The following ZKSCAN2 variants were observed in gnomAD, a reference collection of about 807,000 sequenced individuals.
ZKSCAN2 encodes zinc finger with KRAB and SCAN domains 2, also known as zinc finger protein with KRAB and SCAN domains 2.
ZKSCAN2 carries 38 observed loss-of-function variants against 90.5 expected under a neutral mutation model. The ratio of observed to expected loss-of-function variants is 0.42; its 90% confidence interval spans 0.32 to 0.55. ZKSCAN2 has a LOEUF of 0.55. ZKSCAN2 is among the 20% of genes least tolerant of loss of function. ZKSCAN2 has a pLI of 0.11. For missense variants in ZKSCAN2, 1,167 were observed against 1,202.6 expected (o/e 0.97, Z 0.44); for synonymous variants, 429 against 421.6 (o/e 1.02, Z -0.22).
At chr16:25,256,257 A>G (rs1165225515) in intron 1 of ZKSCAN2, among the ~76,000 whole-genome samples, 1 of 152,212 alleles carries the variant, frequency 6.6e-6, no homozygotes, top group African/African-American at 2.4e-5. Flanking sequence ...GAGTGACAGA[A>G]ATGAAGGCAT....
rs1962840332 is a variant in ZKSCAN2, at chr16:25,240,725, TC to T, written c.1994del (p.Gly665GlufsTer11). The T allele has an allele frequency of 6.2e-7, 1 of 1,600,812 alleles. No homozygotes were observed. The highest frequency in any genetic ancestry group is 8.5e-7 in the Non-Finnish European group (1 of 1,171,542). ...GTGTTGGATCCTCCTTGATGCTACT[TC>T]CGATTTCAAAATCTGAAAAAATGAA... The part of the protein sequence containing the change: ...LLQSPNDFEI[G>X]SSIKEDPTQI... On this transcript the variant is annotated frameshift_variant, in exon 7 of 7. Transcript: ENST00000328086. LOFTEE classifies it high-confidence loss of function.
chr16:25,244,369 A>G, intron 5 of ZKSCAN2, 93 bp from the exon 6 acceptor site: 1 of 1,420,966 alleles, frequency 7.0e-7, no homozygotes, highest in Non-Finnish European at 9.5e-7. Flanking sequence ...GGTAAAAAAA[A>G]ATCCCATTCA....
In ZKSCAN2 at chr16:25,240,013, G is replaced by A. The variant is rs932733214; in HGVS notation, c.2707C>T (p.Arg903Ter). The change falls in exon 7 of 7, where the codon CGA becomes TGA. Residue 903 changes from arginine (R) to a stop codon, truncating the protein, a stop_gained. Coordinates refer to ENST00000328086, the MANE Select transcript of ZKSCAN2 (RefSeq NM_001012981.5). LOFTEE classifies it low-confidence loss of function (END_TRUNC). ...EKSFNNCTRFREHRRIHTGEK... is the reference protein window; with the variant it reads ...EKSFNNCTRF ...CCAGTGTGTATTCTCCGATGTTCTC[G>A]AAATCTCGTACAGTTATTGAAACTT... is the stretch of plus-strand genomic sequence containing the variant. 23 of 1,613,714 alleles carry A rather than the reference G, an allele frequency of 1.4e-5. No individual in the cohort carries two copies. The highest frequency in any genetic ancestry group is 3.3e-5 in the South Asian group (3 of 91,062).
Position 25,239,709 on chromosome 16 carries a change from C to A in ZKSCAN2, c.*107G>T. On this transcript the variant is annotated 3_prime_UTR_variant, in exon 7 of 7. Transcript: ENST00000328086. ...TGAAAGTGTTTAGTTTATTTATATT[C>A]TCAAGTTTATCTTGGAAATTACACT... The A allele has an allele frequency of 9.9e-7, 1 of 1,006,196 alleles. No individual in the cohort carries two copies. Among genetic ancestry groups the A allele is most frequent in the Non-Finnish European group, 1.5e-6 (1 of 685,138 alleles). The allele number at this position is 1,006,196 out of a possible 1,614,324, so 62.3% of individuals were successfully genotyped here. A position where few individuals can be genotyped will look rare whatever the true frequency, so the allele number is the denominator to read the frequency against.
chr16:25,242,592 C>T (rs186342763), intron 6 of ZKSCAN2, among the ~76,000 whole-genome samples: 2 of 152,118 alleles, frequency 1.3e-5, no homozygotes, highest in African/African-American at 4.8e-5. Flanking sequence ...AGAATTTGGA[C>T]ATGGAGATAT....
intron 4 of ZKSCAN2, among the ~76,000 whole-genome samples, chr16:25,249,681 T>C (rs1039715858): frequency 1.3e-5 from 2 of 152,152 alleles, no homozygotes; most frequent in Non-Finnish European, 2.9e-5. Context: ...AATTATTATC[T>C]GTCAATTAAA....
intron 4 of ZKSCAN2, among the ~76,000 whole-genome samples, chr16:25,250,134 C>T (rs562315399): frequency 6.6e-6 from 1 of 152,232 alleles, no homozygotes; most frequent in Admixed American, 6.5e-5. Context: ...TATGGTGAAA[C>T]CCCGTCTCTA....
In ZKSCAN2 at chr16:25,257,511, G is replaced by C. The variant is rs1273898713; in HGVS notation, c.-384C>G. On this transcript the variant is annotated 5_prime_UTR_variant, in exon 1 of 7. Coordinates refer to ENST00000328086, the MANE Select transcript of ZKSCAN2 (RefSeq NM_001012981.5). ...GGGAGGGGGTGTGTCCGCTACTCCC[G>C]GGTCGGGCGCGGAGAGGCGAGTCCC... 7 of 993,900 alleles carry C rather than the reference G, an allele frequency of 7.0e-6. No individual in the cohort carries two copies. The highest frequency in any genetic ancestry group is 3.5e-5 in the African/African-American group (2 of 57,568). 61.6% of individuals were successfully genotyped at this position (993,900 alleles called of 1,614,324 possible).
rs113521807 is a variant in ZKSCAN2, at chr16:25,240,710, C to T, written c.2010G>A (p.Glu670=). ...CCTTATATACTATCTGTGTTGGATC[C>T]TCCTTGATGCTACTTCCGATTTCAA... ...NDFEIGSSIK[E]DPTQIVYKDM... Residue 670 remains glutamate, a synonymous_variant, in exon 7 of 7, where the codon GAG becomes GAA. Coordinates refer to ENST00000328086, the MANE Select transcript of ZKSCAN2 (RefSeq NM_001012981.5). 6.1e-4 allele frequency: 985 copies of T among 1,604,304 alleles called. 6 individuals are homozygous for T. In the African/African-American group the frequency reaches 9.9e-3, roughly 16 times the overall value.
rs542953652 is a variant in ZKSCAN2, at chr16:25,240,660, A to G, written c.2060T>C (p.Ile687Thr). ...YKDMEQHRAL[I>T]EKSKRVVSQS... ...GGAAACAACTCTTTTAGACTTTTCT[A>G]TTAATGCCCTATGCTGTTCCATGTC... Residue 687 changes from isoleucine to threonine, a missense_variant, in exon 7 of 7, where the codon ATA (isoleucine) becomes ACA (threonine). Transcript: ENST00000328086. 1.2e-5 allele frequency: 20 copies of G among 1,614,190 alleles called. No individual in the cohort carries two copies. In the African/African-American group the frequency reaches 2.5e-4, roughly 20 times the overall value.
At position 25,243,397 on chromosome 16, in the gene ZKSCAN2, G is replaced by A. The variant is rs1359872041; in HGVS notation, c.1981+388C>T. ...GGCTGGAGTGCAATGGCACGATCTC[G>A]GCTCACTGCAACCTGCGCCTCCCAG... On this transcript the variant is annotated intron_variant, in intron 6 of 6. Transcript: ENST00000328086. Among the ~76,000 whole-genome samples, 6 of 152,218 alleles carry A rather than the reference G, an allele frequency of 3.9e-5. No homozygotes were observed. The East Asian group carries it at 5.8e-4, about 15-fold the overall frequency.
At chr16:25,253,067 T>C (rs1415825074) in intron 2 of ZKSCAN2, 30 bp from the exon 3 acceptor site, 1 of 1,564,458 alleles carries the variant, frequency 6.4e-7, no homozygotes, top group Non-Finnish European at 8.8e-7. Context: ...CGATTAGTAA[T>C]CTGGGCTTTG....
chr16:25,246,182 TG>T (rs1962930731), intron 5 of ZKSCAN2: 1 of 153,876 alleles, frequency 6.5e-6, no homozygotes, highest in South Asian at 2.0e-4. Context: ...ATTATATATT[TG>T]GATTTATATC....
intron 4 of ZKSCAN2, among the ~76,000 whole-genome samples, chr16:25,250,786 T>C (rs11640081): frequency 0.44 from 66,281 of 152,046 alleles, 15,607 homozygotes; most frequent in African/African-American, 0.61. Flanking sequence ...GATGGAGTTT[T>C]GCTCTTGTTG....
rs185234191 is a variant in ZKSCAN2 at position 25,251,986 on chromosome 16, C to T, written c.728G>A (p.Ser243Asn). Reference sequence around the variant, plus strand: ...CCTTTGGGCAGGAATCTGATGCACACTCTTTCTGTAGGAAAAGCCTCTGGC... The same window carrying T: ...CCTTTGGGCAGGAATCTGATGCACATTCTTTCTGTAGGAAAAGCCTCTGGC... ...HVARGFSYRK[S>N]VHQIPAQRDL... The change falls in exon 4 of 7, where the codon AGT becomes AAT. Residue 243 changes from serine to asparagine, a missense_variant. Physicochemically the swap from Ser to Asn is conservative, Grantham distance 46. Transcript: ENST00000328086. 1 of 1,614,082 alleles carries T rather than the reference C, an allele frequency of 6.2e-7. No individual in the cohort carries two copies. The highest frequency in any genetic ancestry group is 1.3e-5 in the African/African-American group (1 of 74,936).
rs148836306 is a variant in ZKSCAN2, at chr16:25,255,373, C to G, written c.419G>C (p.Arg140Pro). The change falls in exon 2 of 7, where the codon CGG (arginine) becomes CCG (proline). Residue 140 changes from arginine (R) to proline (P), a missense_variant. By Grantham distance (103) the Arg-to-Pro change is moderately radical. Transcript: ENST00000328086. ...TGCTCCAAGTGGGGAGTGCTTCTCCCGGTGCACGGGACTGCTGACCTGAGA... is the reference window on the plus strand; with the variant it reads ...TGCTCCAAGTGGGGAGTGCTTCTCCGGGTGCACGGGACTGCTGACCTGAGA... ...LRQQVSSPVH[R>P]EKHSPLGAAW... 2 of 1,612,038 alleles carry G rather than the reference C, an allele frequency of 1.2e-6. No homozygotes were observed. Among genetic ancestry groups the G allele is most frequent in the Non-Finnish European group, 1.7e-6 (2 of 1,179,824 alleles).
chr16:25,244,541 T>C (rs1041123456), intron 5 of ZKSCAN2, among the ~76,000 whole-genome samples: 3 of 152,232 alleles, frequency 2.0e-5, no homozygotes, highest in Non-Finnish European at 2.9e-5. Flanking sequence ...TATGAATCTA[T>C]AGTCAAAATC....
chr16:25,247,069 G>GC lies in ZKSCAN2; in HGVS notation c.1126dup (p.Ala376GlyfsTer4). 1 of 1,614,204 alleles carries GC rather than the reference G, an allele frequency of 6.2e-7. No individual in the cohort carries two copies. Among genetic ancestry groups the GC allele is most frequent in the Non-Finnish European group, 8.5e-7 (1 of 1,180,040 alleles). ...ACATTCTCGCAACCATTCAGCCACA[G>GC]CACCATACACTTGGCTATTTCGGGG... On this transcript the variant is annotated frameshift_variant, in exon 5 of 7. Transcript: ENST00000328086. LOFTEE classifies it high-confidence loss of function.
intron 2 of ZKSCAN2, 75 bp downstream of exon 2, chr16:25,255,131 C>T: frequency 6.8e-7 from 1 of 1,467,934 alleles, no homozygotes; most frequent in Non-Finnish European, 9.1e-7. Flanking sequence ...CTCCACTGCA[C>T]ATTCACAGCG....
Sources: allele counts gnomAD v4.1 joint callset (sites outside exome capture counted in the v4.1 genomes callset), GRCh38; gene constraint gnomAD v4.1.1; transcripts MANE v1.5; gene names NCBI Gene and HGNC (gene_info 2026-07-23, HGNC 2026-07-21).